The following GABBR2 variants were observed in gnomAD, a reference collection of about 807,000 sequenced individuals.
The protein encoded by GABBR2 is gamma-aminobutyric acid type B receptor subunit 2.
A neutral mutation model predicts 105.6 loss-of-function variants in GABBR2; 23 were observed. The observed-to-expected ratio is 0.22, with a 90% CI of 0.16 to 0.31. The LOEUF (loss-of-function observed/expected upper bound fraction) is 0.31. Among genes scored for constraint, GABBR2 ranks in the 10% least tolerant of loss-of-function variants. GABBR2 has a pLI of 1.00. For missense variants in GABBR2, 734 were observed against 1,245.5 expected (o/e 0.59, Z 6.18); for synonymous variants, 478 against 499.7 (o/e 0.96, Z 0.58).
chr9:98,494,669 G>A (rs1827241533), intron 4 of GABBR2, among the ~76,000 whole-genome samples: 1 of 152,086 alleles, frequency 6.6e-6, no homozygotes, highest in Admixed American at 6.5e-5. Context: ...CTCCATCTGA[G>A]GGCTTTGGGG....
intron 11 of GABBR2, among the ~76,000 whole-genome samples, chr9:98,377,260 T>C (rs1831892320): frequency 6.6e-6 from 1 of 152,030 alleles, no homozygotes; most frequent in African/African-American, 2.4e-5. Flanking sequence ...GGGGCTGCTG[T>C]GTGCCTTCAT....
At chr9:98,418,746 T>C (rs1429239494) in intron 7 of GABBR2, among the ~76,000 whole-genome samples, 2 of 152,018 alleles carry the variant, frequency 1.3e-5, no homozygotes, top group East Asian at 3.9e-4. Flanking sequence ...GCCTACAGAG[T>C]TGGCAGAGGA....
chr9:98,695,442 C>T (rs1184967765), intron 1 of GABBR2, among the ~76,000 whole-genome samples: 1 of 152,188 alleles, frequency 6.6e-6, no homozygotes, highest in Non-Finnish European at 1.5e-5. Context: ...CAGCGCACCT[C>T]AAATCCTTCC....
At chr9:98,395,892 C>A (rs1029372701) in intron 8 of GABBR2, among the ~76,000 whole-genome samples, 1 of 151,996 alleles carries the variant, frequency 6.6e-6, no homozygotes, top group South Asian at 2.1e-4. Context: ...GGGTACTGAC[C>A]GAGCCTCTAT....
intron 1 of GABBR2, among the ~76,000 whole-genome samples, chr9:98,623,589 G>A (rs12684835): frequency 6.3e-4 from 96 of 152,216 alleles, no homozygotes; most frequent in East Asian, 3.3e-3. Context: ...CCATTCTCTC[G>A]CATTTCCTAC....
At chr9:98,694,938 A>G (rs1588286279) in intron 1 of GABBR2, among the ~76,000 whole-genome samples, 1 of 152,264 alleles carries the variant, frequency 6.6e-6, no homozygotes, top group Admixed American at 6.5e-5. Context: ...CCCTGCCTCT[A>G]ACCTAAAAGA....
At position 98,334,200 on chromosome 9, in the gene GABBR2, C is replaced by A. The variant is rs554157101; in HGVS notation, c.1894-22995G>T. 3.0e-4 allele frequency among the ~76,000 whole-genome samples: 46 copies of A among 152,240 alleles called. 1 individual carries two copies. The highest frequency in any genetic ancestry group is 1.1e-3 in the African/African-American group (44 of 41,548). ...TTGAATATCTGTTCACTCTCATGAA[C>A]CATCAACCAGATAATCACAGATGTG... On this transcript the variant is annotated intron_variant, in intron 13 of 18. Coordinates refer to ENST00000259455, the MANE Select transcript of GABBR2 (RefSeq NM_005458.8).
rs62574624 is a variant in GABBR2, at chr9:98,454,885, G to A, written c.1000-668C>T. ...AAGGCACAGTCTACCCTCAAGAACT[G>A]GGGCAAGAGGCTCCCTAGACCCTGG... On this transcript the variant is annotated intron_variant, in intron 6 of 18. Coordinates refer to ENST00000259455, the MANE Select transcript of GABBR2 (RefSeq NM_005458.8). This position sits in a 1 kb window ranked among gnomAD's most constrained non-coding sequence, Gnocchi z 4.6. Among the ~76,000 whole-genome samples the A allele has an allele frequency of 0.02, 3,094 of 152,162 alleles. 35 individuals are homozygous for A. The highest frequency in any genetic ancestry group is 0.03 in the Non-Finnish European group (2,057 of 68,002).
chr9:98,556,768 G>T (rs1337524526), intron 2 of GABBR2, among the ~76,000 whole-genome samples: 1 of 152,214 alleles, frequency 6.6e-6, no homozygotes, highest in East Asian at 1.9e-4. Context: ...AACTGAGACC[G>T]GGTGCGGTGG....
chr9:98,299,587 T>C (rs1271958597), intron 16 of GABBR2, among the ~76,000 whole-genome samples: 1 of 152,158 alleles, frequency 6.6e-6, no homozygotes, highest in African/African-American at 2.4e-5. Context: ...GTGTTCAGTG[T>C]AGGCTTGGGC....
chr9:98,357,590 C>T (rs1055979951), intron 13 of GABBR2, among the ~76,000 whole-genome samples: 4 of 152,004 alleles, frequency 2.6e-5, no homozygotes, highest in Middle Eastern at 3.4e-3. Context: ...TGCAGTGAGC[C>T]GTGATCTTGC....
chr9:98,306,712 A>C lies in GABBR2; in HGVS notation c.2005-367T>G. 1 of 273,682 alleles carries C rather than the reference A, an allele frequency of 3.7e-6. No individual in the cohort carries two copies. Among genetic ancestry groups the C allele is most frequent in the Non-Finnish European group, 7.0e-6 (1 of 142,834 alleles). 17.0% of individuals were successfully genotyped at this position (273,682 alleles called of 1,614,324 possible). ...TCCAGAAGGGTGAAGAGGTCTGCCC[A>C]AGGCCGCACAGCAATATGGTAGCAA... On this transcript the variant is annotated intron_variant, in intron 14 of 18. Coordinates refer to ENST00000259455, the MANE Select transcript of GABBR2 (RefSeq NM_005458.8). The surrounding 1 kb of genome is among the most constrained non-coding windows in gnomAD (Gnocchi z 5.4).
chr9:98,647,989 G>A (rs1029420040), intron 1 of GABBR2, among the ~76,000 whole-genome samples: 1 of 149,702 alleles, frequency 6.7e-6, no homozygotes, highest in Non-Finnish European at 1.5e-5. Context: ...TAAATTGACA[G>A]CAAAAGGAAA....
chr9:98,411,610 A>G (rs1273140099), intron 7 of GABBR2, among the ~76,000 whole-genome samples: 2 of 151,790 alleles, frequency 1.3e-5, no homozygotes, highest in Non-Finnish European at 2.9e-5. Flanking sequence ...TGCCCAGGCT[A>G]GAGAGTAGTG....
chr9:98,680,670 G>A (rs1419454128), intron 1 of GABBR2, among the ~76,000 whole-genome samples: 1 of 152,132 alleles, frequency 6.6e-6, no homozygotes, highest in Non-Finnish European at 1.5e-5. Flanking sequence ...GAATAAACAG[G>A]TGAGAACAGT....
intron 11 of GABBR2, among the ~76,000 whole-genome samples, chr9:98,384,335 T>TA (rs1391422459): frequency 6.6e-6 from 1 of 152,024 alleles, no homozygotes; most frequent in Non-Finnish European, 1.5e-5. Context: ...TAACCCCCTT[T>TA]AAAAAAATAA....
chr9:98,447,537 A>ATGTGTGTGTGTG (rs58069151), intron 7 of GABBR2, among the ~76,000 whole-genome samples: 60 of 142,514 alleles, frequency 4.2e-4, no homozygotes, highest in Admixed American at 1.5e-3. Context: ...ACTAGTATGT[A>ATGTGTGTGTGTG]TGTGTGTGTG....
At chr9:98,440,600 A>C (rs1295735030) in intron 7 of GABBR2, among the ~76,000 whole-genome samples, 1 of 152,204 alleles carries the variant, frequency 6.6e-6, no homozygotes, top group Non-Finnish European at 1.5e-5. Context: ...AGGAAGCCTG[A>C]ATCCCATTGA....
Position 98,638,076 on chromosome 9 carries a change from C to A in GABBR2, c.322-60004G>T, listed in dbSNP as rs563841572. Among the ~76,000 whole-genome samples, 3 of 152,172 alleles carry A rather than the reference C, an allele frequency of 2.0e-5. No individual in the cohort carries two copies. In the East Asian group the frequency reaches 5.8e-4, roughly 29 times the overall value. ...GGGTCATACAGACAGAGTGGTAGAG[C>A]CTGGATTCAAATCCAGTTCTGTCTC... On this transcript the variant is annotated intron_variant, in intron 1 of 18. Coordinates refer to ENST00000259455, the MANE Select transcript of GABBR2 (RefSeq NM_005458.8).
Sources: gnomAD v4.1 joint callset for allele counts (sites outside exome capture counted in the v4.1 genomes callset) on GRCh38, gnomAD v4.1.1 for gene constraint, Gnocchi (gnomAD v3.1) non-coding constraint, MANE v1.5 for transcripts, NCBI Gene and HGNC (gene_info 2026-07-23, HGNC 2026-07-21) for gene names.